Variants in RUNX1 observed in about 807,000 individuals in gnomAD.
The protein encoded by RUNX1 is RUNX family transcription factor 1.
A neutral mutation model predicts 42.8 loss-of-function variants in RUNX1; 19 were observed. The ratio of observed to expected loss-of-function variants is 0.44; its 90% CI spans 0.31 to 0.65. The LOEUF (loss-of-function observed/expected upper bound fraction) is 0.65. Among genes scored for constraint, RUNX1 ranks in the 30% least tolerant of loss-of-function variants. RUNX1 has a pLI of 0.07. For synonymous variants in RUNX1, 271 were observed against 289.4 expected, an observed-to-expected ratio of 0.94 and a Z score of 0.64; for missense variants, 528 against 672.0, an observed-to-expected ratio of 0.79 and a Z score of 2.37.
At chr21:34,994,106 G>A (rs1490121432) in intron 2 of RUNX1, among the ~76,000 whole-genome samples, 3 of 152,204 alleles carry the variant, frequency 2.0e-5, no homozygotes, top group South Asian at 4.1e-4. Flanking sequence ...AATGGAGAAG[G>A]AGAAAGTAAA....
chr21:34,821,361 C>A, intron 7 of RUNX1: 1 of 1,217,366 alleles, frequency 8.2e-7, no homozygotes, highest in Non-Finnish European at 1.0e-6. Context: ...AAAAATATAT[C>A]TCAAAGACTT....
chr21:34,797,065 C>T (rs144949756), intron 8 of RUNX1, among the ~76,000 whole-genome samples: 4 of 152,346 alleles, frequency 2.6e-5, no homozygotes, highest in East Asian at 1.9e-4. Context: ...ATTCCACCCC[C>T]CTCCTGCCTC....
intron 2 of RUNX1, among the ~76,000 whole-genome samples, chr21:34,903,103 T>G (rs2058190167): frequency 6.6e-6 from 1 of 152,248 alleles, no homozygotes; most frequent in South Asian, 2.1e-4. Context: ...AGATTCTGCA[T>G]CTTCTAGAAA....
intron 7 of RUNX1, among the ~76,000 whole-genome samples, chr21:34,810,603 C>A (rs1398345019): frequency 1.3e-5 from 2 of 152,146 alleles, no homozygotes; most frequent in Non-Finnish European, 2.9e-5. Flanking sequence ...CCTAGCTTGG[C>A]CCCTCACTCA....
chr21:34,871,209 C>T (rs2057732133), intron 5 of RUNX1, among the ~76,000 whole-genome samples: 1 of 152,168 alleles, frequency 6.6e-6, no homozygotes, highest in Non-Finnish European at 1.5e-5. Flanking sequence ...AGCTTTTTCC[C>T]CAGTGACCTT....
chr21:34,806,764 T>C (rs1367659397), intron 7 of RUNX1, among the ~76,000 whole-genome samples: 1 of 152,122 alleles, frequency 6.6e-6, no homozygotes, highest in Non-Finnish European at 1.5e-5. Context: ...ATAGAAAGCA[T>C]ACAAAGTATT....
At chr21:34,874,913 CTGAT>C (rs2057792565) in intron 5 of RUNX1, among the ~76,000 whole-genome samples, 1 of 152,164 alleles carries the variant, frequency 6.6e-6, no homozygotes, top group Non-Finnish European at 1.5e-5. Flanking sequence ...CAGGCACTTT[CTGAT>C]TGATAGTCTT....
intron 7 of RUNX1, among the ~76,000 whole-genome samples, chr21:34,825,644 G>C (rs553049872): frequency 6.6e-6 from 1 of 152,306 alleles, no homozygotes; most frequent in South Asian, 2.1e-4. Flanking sequence ...CTGGTCAATG[G>C]TCTGATGTCC....
At chr21:34,931,387 G>T in intron 2 of RUNX1, among the ~76,000 whole-genome samples, 1 of 142,312 alleles carries the variant, frequency 7.0e-6, no homozygotes, top group African/African-American at 2.6e-5. Flanking sequence ...ATATATACAT[G>T]TATATAATAT....
intron 2 of RUNX1, among the ~76,000 whole-genome samples, chr21:34,908,058 T>G (rs2058238947): frequency 6.6e-6 from 1 of 152,048 alleles, no homozygotes; most frequent in African/African-American, 2.4e-5. Flanking sequence ...GCTACTTCTT[T>G]AAAAAAGGGA....
At chr21:34,862,028 TA>T (rs112283955) in intron 5 of RUNX1, among the ~76,000 whole-genome samples, 199 of 139,254 alleles carry the variant, frequency 1.4e-3, no homozygotes, top group East Asian at 1.6e-3. Flanking sequence ...TATTTAAAAT[TA>T]AAAAAAAAAA....
chr21:35,029,211 T>G (rs114284765), intron 2 of RUNX1, among the ~76,000 whole-genome samples: 175 of 152,172 alleles, frequency 1.2e-3, no homozygotes, highest in African/African-American at 3.9e-3. Context: ...AAGCTCAAGT[T>G]AAAGGAAATT....
rs543213851 is a variant in RUNX1 at position 34,816,304 on chromosome 21, A to C, written c.806-16842T>G. Among the ~76,000 whole-genome samples the C allele has an allele frequency of 2.4e-4, 37 of 152,080 alleles. No individual in the cohort carries two copies. In the South Asian group the frequency reaches 6.4e-3, roughly 26 times the overall value. On this transcript the variant is annotated intron_variant, in intron 7 of 8. Coordinates refer to ENST00000675419, the MANE Select transcript of RUNX1 (RefSeq NM_001754.5). ...TTCGTGGGGGTCCTGGGAAGGAGAG[A>C]GCGTTCCTGCCCACCTGGAAGTCTC...
intron 2 of RUNX1, among the ~76,000 whole-genome samples, chr21:35,019,898 G>A (rs1290198154): frequency 2.6e-5 from 4 of 152,082 alleles, no homozygotes; most frequent in African/African-American, 9.7e-5. Flanking sequence ...TTCTAGCGAA[G>A]GGCTGCTTGG....
chr21:35,021,717 G>A (rs995764935), intron 2 of RUNX1, among the ~76,000 whole-genome samples: 1 of 152,206 alleles, frequency 6.6e-6, no homozygotes, highest in Admixed American at 6.5e-5. Context: ...AGGGGCCTGC[G>A]CTGACCTCAT....
chr21:35,017,037 G>T (rs1228496341), intron 2 of RUNX1, among the ~76,000 whole-genome samples: 1 of 151,858 alleles, frequency 6.6e-6, no homozygotes, highest in Non-Finnish European at 1.5e-5. Context: ...AAAATGGGAG[G>T]GGGTGGGAAG....
At chr21:34,876,069 T>A (rs1329562631) in intron 5 of RUNX1, among the ~76,000 whole-genome samples, 2 of 151,856 alleles carry the variant, frequency 1.3e-5, no homozygotes, top group African/African-American at 4.8e-5. Flanking sequence ...GCCAGGGAGG[T>A]CAATGTAAAC....
chr21:34,931,917 A>G (rs1344131972), intron 2 of RUNX1, among the ~76,000 whole-genome samples: 1 of 152,050 alleles, frequency 6.6e-6, no homozygotes, highest in Non-Finnish European at 1.5e-5. Context: ...GGCAGTGGGG[A>G]GTGGAAGAGT....
chr21:34,902,667 G>C (rs1248403040), intron 2 of RUNX1, among the ~76,000 whole-genome samples: 1 of 152,132 alleles, frequency 6.6e-6, no homozygotes, highest in African/African-American at 2.4e-5. Flanking sequence ...CAATATATTT[G>C]AGTGCAGGAG....
Sources: gnomAD v4.1 joint callset for allele counts (sites outside exome capture counted in the v4.1 genomes callset) on GRCh38, gnomAD v4.1.1 for gene constraint, MANE v1.5 for transcripts, NCBI Gene and HGNC (gene_info 2026-07-23, HGNC 2026-07-21) for gene names.